RAI14: variants seen among roughly 807,000 people sequenced by gnomAD.
RAI14 encodes ankycorbin.
In RAI14, 45 loss-of-function variants were observed where a neutral mutation model predicts 115.4. That is an observed-to-expected ratio of 0.39 (90% CI 0.31 to 0.50). RAI14 has a LOEUF of 0.50. Among genes scored for constraint, RAI14 ranks in the 20% least tolerant of loss-of-function variants. The probability of loss-of-function intolerance (pLI) is 0.85; values close to 1 mark genes in which losing one functional copy is unlikely to be tolerated. For synonymous variants in RAI14, 371 were observed against 415.4 expected (o/e 0.89, Z 1.30); for missense variants, 939 against 1,131.2 (o/e 0.83, Z 2.44).
intron 1 of RAI14, among the ~76,000 whole-genome samples, chr5:34,660,268 A>G (rs1385034838): frequency 6.6e-6 from 1 of 151,520 alleles, no homozygotes; most frequent in East Asian, 2.0e-4. Context: ...CCCCGTCTCT[A>G]CTAAAAATAC....
rs145104232 is a variant in RAI14 at position 34,746,739 on chromosome 5, C to G, written c.37-10729C>G. Among the ~76,000 whole-genome samples the G allele has an allele frequency of 1.2e-3, 188 of 152,212 alleles. 1 individual carries two copies. Among genetic ancestry groups the G allele is most frequent in the African/African-American group, 4.2e-3 (174 of 41,532 alleles). On this transcript the variant is annotated intron_variant, in intron 2 of 17. Coordinates refer to ENST00000265109, the MANE Select transcript of RAI14 (RefSeq NM_015577.3). ...GCCCCAGTGTATGAACACATTTAAA[C>G]CCCCCTAAAAAGTTTAAACATCCTA...
Position 34,766,199 on chromosome 5 carries a change from A to G in RAI14, c.167+8601A>G, listed in dbSNP as rs185730329. 1.3e-3 allele frequency among the ~76,000 whole-genome samples: 204 copies of G among 152,238 alleles called. 1 individual carries two copies. The highest frequency in any genetic ancestry group is 4.8e-3 in the African/African-American group (198 of 41,558). On this transcript the variant is annotated intron_variant, in intron 3 of 17. Transcript: ENST00000265109. ...GCTGGGATCCCCTCACAGAGTCCCTACTGGGGTACCAGCTAGTGGAGCTGT... is the reference window on the plus strand; with the variant it reads ...GCTGGGATCCCCTCACAGAGTCCCTGCTGGGGTACCAGCTAGTGGAGCTGT...
chr5:34,699,005 G>C (rs566613293), intron 2 of RAI14, among the ~76,000 whole-genome samples: 2 of 152,122 alleles, frequency 1.3e-5, no homozygotes, highest in South Asian at 4.1e-4. Context: ...CTGTCCTGCC[G>C]TGCCAGCCAA....
At chr5:34,692,639 A>T (rs1427763282) in intron 2 of RAI14, among the ~76,000 whole-genome samples, 5 of 151,954 alleles carry the variant, frequency 3.3e-5, no homozygotes, top group Non-Finnish European at 4.4e-5. Context: ...ACATAATTTT[A>T]AAAAAATCAG....
intron 2 of RAI14, among the ~76,000 whole-genome samples, chr5:34,727,840 C>G (rs766547613): frequency 2.0e-5 from 3 of 152,126 alleles, no homozygotes; most frequent in Non-Finnish European, 4.4e-5. Flanking sequence ...TCATGGAGAA[C>G]CTCTGCTAGG....
intron 3 of RAI14, among the ~76,000 whole-genome samples, chr5:34,767,624 C>A (rs78421955): frequency 1.4e-5 from 2 of 144,114 alleles, no homozygotes; most frequent in African/African-American, 5.2e-5. Flanking sequence ...CACCACCCCC[C>A]ACCCCATTCC....
intron 3 of RAI14, among the ~76,000 whole-genome samples, chr5:34,773,561 AAAAT>A (rs1750456423): frequency 6.6e-6 from 1 of 152,222 alleles, no homozygotes; most frequent in African/African-American, 2.4e-5. Context: ...TGACCATCAA[AAAAT>A]AAATAATCCC....
intron 1 of RAI14, among the ~76,000 whole-genome samples, chr5:34,681,652 C>T (rs879257220): frequency 7.2e-5 from 11 of 151,834 alleles, no homozygotes; most frequent in Non-Finnish European, 1.3e-4. Context: ...GTGCCACCAC[C>T]CCCGGCTAAT....
At position 34,753,824 on chromosome 5, in the gene RAI14, A is replaced by G. The variant is rs781677834; in HGVS notation, c.37-3644A>G. ...AGCTACTCGGGAGGCTGAGGCAGGA[A>G]AATCGCTTGAACCCAGGAAGCGGAG... On this transcript the variant is annotated intron_variant, in intron 2 of 17. Coordinates refer to ENST00000265109, the MANE Select transcript of RAI14 (RefSeq NM_015577.3). Among the ~76,000 whole-genome samples, 89 of 151,766 alleles carry G rather than the reference A, an allele frequency of 5.9e-4. 1 individual carries two copies. The highest frequency in any genetic ancestry group is 6.3e-4 in the African/African-American group (26 of 41,356).
At chr5:34,680,848 T>C (rs1579888634) in intron 1 of RAI14, among the ~76,000 whole-genome samples, 1 of 152,352 alleles carries the variant, frequency 6.6e-6, no homozygotes, top group Middle Eastern at 3.4e-3. Flanking sequence ...TTTTTAATTA[T>C]TCTTTATTCA....
chr5:34,802,559 C>T (rs1580312381), intron 4 of RAI14, among the ~76,000 whole-genome samples: 1 of 152,256 alleles, frequency 6.6e-6, no homozygotes, highest in African/African-American at 2.4e-5. Context: ...CCCTCTAATT[C>T]AGATGGACAG....
At chr5:34,784,633 C>G (rs1234564041) in intron 3 of RAI14, among the ~76,000 whole-genome samples, 4 of 152,176 alleles carry the variant, frequency 2.6e-5, no homozygotes. Context: ...GAAGAAAAAA[C>G]CATTCTACTA....
chr5:34,801,829 G>C (rs951120057), intron 4 of RAI14, among the ~76,000 whole-genome samples: 5 of 152,116 alleles, frequency 3.3e-5, no homozygotes, highest in African/African-American at 1.2e-4. Flanking sequence ...CCTGCACTTT[G>C]TGAGGCCGAG....
chr5:34,675,761 G>GA (rs35198358), intron 1 of RAI14, among the ~76,000 whole-genome samples: 37,960 of 145,136 alleles, frequency 0.26, 5,793 homozygotes, highest in East Asian at 0.54. Flanking sequence ...TTAAAAAAAA[G>GA]AAAAAAAAAA....
In RAI14 at chr5:34,830,670, T is replaced by C; in HGVS notation, c.2866-18T>C. ...TTAATTTAGGTTCTAATGAGTATCT[T>C]GTGTTTGAATATCCTAGGGCCAGAT... is the stretch of plus-strand genomic sequence containing the variant. On this transcript the variant is annotated intron_variant, in intron 17 of 17. Transcript: ENST00000265109. 6.2e-7 allele frequency: 1 copy of C among 1,613,970 alleles called. No homozygotes were observed. Among genetic ancestry groups the C allele is most frequent in the Non-Finnish European group, 8.5e-7 (1 of 1,179,912 alleles).
Position 34,789,647 on chromosome 5 carries a change from C to T in RAI14, c.168-6292C>T, listed in dbSNP as rs116365045. On this transcript the variant is annotated intron_variant, in intron 3 of 17. Transcript: ENST00000265109. ...GGTGGTTCTGATTTAACTTCTGCTA[C>T]TTCTCCTTTCTGAACATTGAAACAA... 9.1e-3 allele frequency among the ~76,000 whole-genome samples: 1,383 copies of T among 152,262 alleles called. 20 individuals are homozygous for T. The highest frequency in any genetic ancestry group is 0.031 in the African/African-American group (1,307 of 41,512).
At chr5:34,785,546 G>A (rs1752190926) in intron 3 of RAI14, among the ~76,000 whole-genome samples, 1 of 152,036 alleles carries the variant, frequency 6.6e-6, no homozygotes, top group African/African-American at 2.4e-5. Flanking sequence ...ATACTTCAGG[G>A]GTTACCAACT....
intron 6 of RAI14, among the ~76,000 whole-genome samples, 158 bp from the exon 7 acceptor site, chr5:34,808,426 C>T (rs1247312709): frequency 1.3e-5 from 2 of 152,250 alleles, no homozygotes; most frequent in African/African-American, 4.8e-5. Flanking sequence ...TTAAACACCT[C>T]ACTCCTAACC....
At position 34,686,925 on chromosome 5, in the gene RAI14, G is replaced by A; in HGVS notation, c.6G>A (p.Lys2=). The A allele has an allele frequency of 4.3e-6, 7 of 1,613,716 alleles. No individual in the cohort carries two copies. The highest frequency in any genetic ancestry group is 5.9e-6 in the Non-Finnish European group (7 of 1,179,826). ...GAAGGCTGAATGCACTAAACATGAA[G>A]AGCTTGAAAGCGAAGTTCAGGAAGA... M[K]SLKAKFRKSD... The change falls in exon 2 of 18, where the codon AAG becomes AAA. Residue 2 remains lysine (K), a synonymous_variant. Coordinates refer to ENST00000265109, the MANE Select transcript of RAI14 (RefSeq NM_015577.3).
Sources: gnomAD v4.1 joint callset for allele counts (sites outside exome capture counted in the v4.1 genomes callset) on GRCh38, gnomAD v4.1.1 for gene constraint, MANE v1.5 for transcripts, NCBI Gene and HGNC (gene_info 2026-07-23, HGNC 2026-07-21) for gene names.